The following TRPS1 variants were observed in gnomAD, a reference collection of about 807,000 sequenced individuals.
TRPS1 encodes the protein zinc finger transcription factor Trps1.
In TRPS1, 6 loss-of-function variants were observed where a neutral mutation model predicts 101.2. That is an observed-to-expected ratio of 0.06 (90% confidence interval 0.03 to 0.12). The LOEUF (loss-of-function observed/expected upper bound fraction) is 0.12. TRPS1 is among the 10% of genes least tolerant of loss of function. The pLI, the probability that TRPS1 is intolerant of heterozygous loss-of-function variation, is 1.00. For missense variants in TRPS1, 1,363 were observed against 1,567.0 expected (o/e 0.87, Z 2.20); for synonymous variants, 578 against 589.8 (o/e 0.98, Z 0.29).
chr8:115,466,531 A>G (rs1463553346), intron 5 of TRPS1, among the ~76,000 whole-genome samples: 1 of 152,204 alleles, frequency 6.6e-6, no homozygotes, highest in East Asian at 1.9e-4. Context: ...ATGAGAAACA[A>G]TTAGTATGCC....
At position 115,524,159 on chromosome 8, in the gene TRPS1, G is replaced by T. The variant is rs189701305; in HGVS notation, c.2700+62842C>A. Among the ~76,000 whole-genome samples the T allele has an allele frequency of 4.1e-4, 63 of 152,110 alleles. 1 individual carries two copies. The highest frequency in any genetic ancestry group is 3.4e-3 in the Middle Eastern group (1 of 294). On this transcript the variant is annotated intron_variant, in intron 5 of 6. Coordinates refer to ENST00000395715, the MANE Select transcript of TRPS1 (RefSeq NM_014112.5). Reference sequence around the variant, plus strand: ...ATGTGTTTTACTTCCCCATCTAGATGCTAAATATGTACATTAAGGGACAGA... The same window carrying T: ...ATGTGTTTTACTTCCCCATCTAGATTCTAAATATGTACATTAAGGGACAGA...
chr8:115,501,464 T>G (rs1586339202), intron 5 of TRPS1, among the ~76,000 whole-genome samples: 1 of 152,348 alleles, frequency 6.6e-6, no homozygotes, highest in Non-Finnish European at 1.5e-5. Flanking sequence ...GTATGTCCAC[T>G]TTTCAACTAA....
Position 115,464,938 on chromosome 8 carries a change from T to C in TRPS1, c.2701-46486A>G, listed in dbSNP as rs1047431183. Among the ~76,000 whole-genome samples, 3 of 152,248 alleles carry C rather than the reference T, an allele frequency of 2.0e-5. No homozygotes were observed. In the South Asian group the frequency reaches 6.2e-4, roughly 32 times the overall value. On this transcript the variant is annotated intron_variant, in intron 5 of 6. Coordinates refer to ENST00000395715, the MANE Select transcript of TRPS1 (RefSeq NM_014112.5). The stretch of plus-strand genomic sequence containing the variant: ...AACATTTAACATATAGATTTAAGTA[T>C]ACATATCAAGTACAACGCAATCAAG...
At chr8:115,436,443 G>T (rs1017190454) in intron 5 of TRPS1, among the ~76,000 whole-genome samples, 1 of 152,152 alleles carries the variant, frequency 6.6e-6, no homozygotes, top group African/African-American at 2.4e-5. Context: ...ATAGGGTCTT[G>T]TTGGGCAAAC....
At chr8:115,576,857 A>C (rs1817330388) in intron 5 of TRPS1, among the ~76,000 whole-genome samples, 1 of 152,204 alleles carries the variant, frequency 6.6e-6, no homozygotes, top group Non-Finnish European at 1.5e-5. Context: ...GTCACACAGC[A>C]TAAAGTTATG....
intron 4 of TRPS1, among the ~76,000 whole-genome samples, chr8:115,591,934 C>T (rs1021513635): frequency 7.9e-5 from 12 of 152,060 alleles, no homozygotes; most frequent in African/African-American, 2.9e-4. Flanking sequence ...GTGCCTTGCC[C>T]ATTTTATCTA....
At chr8:115,521,508 T>G (rs1200429042) in intron 5 of TRPS1, among the ~76,000 whole-genome samples, 2 of 151,882 alleles carry the variant, frequency 1.3e-5, no homozygotes, top group Non-Finnish European at 2.9e-5. Context: ...TTATTTAATT[T>G]AGAAAGGACT....
intron 5 of TRPS1, among the ~76,000 whole-genome samples, chr8:115,435,952 AT>A (rs984812946): frequency 6.7e-6 from 1 of 149,576 alleles, no homozygotes; most frequent in Non-Finnish European, 1.5e-5. Flanking sequence ...CGATACTAGG[AT>A]TTTTTTTGAT....
At chr8:115,463,391 A>G (rs916796546) in intron 5 of TRPS1, among the ~76,000 whole-genome samples, 1 of 152,252 alleles carries the variant, frequency 6.6e-6, no homozygotes, top group Admixed American at 6.5e-5. Flanking sequence ...CCTCAGAGAA[A>G]GAATGAAATA....
At chr8:115,615,934 T>G (rs1345884587) in intron 3 of TRPS1, among the ~76,000 whole-genome samples, 1 of 152,222 alleles carries the variant, frequency 6.6e-6, no homozygotes, top group Non-Finnish European at 1.5e-5. Flanking sequence ...AATTTAAGCA[T>G]GACAACTGAT....
chr8:115,551,896 A>G (rs1320518556), intron 5 of TRPS1, among the ~76,000 whole-genome samples: 1 of 152,196 alleles, frequency 6.6e-6, no homozygotes, highest in Non-Finnish European at 1.5e-5. Flanking sequence ...AAAGCAGGCC[A>G]GTCCGTCTGC....
At chr8:115,629,361 G>A (rs1463516902) in intron 1 of TRPS1, among the ~76,000 whole-genome samples, 1 of 151,726 alleles carries the variant, frequency 6.6e-6, no homozygotes, top group East Asian at 1.9e-4. Flanking sequence ...TGTAGTGGCA[G>A]AGCATTACAG....
At chr8:115,483,825 A>C (rs1324623427) in intron 5 of TRPS1, among the ~76,000 whole-genome samples, 1 of 152,182 alleles carries the variant, frequency 6.6e-6, no homozygotes, top group African/African-American at 2.4e-5. Flanking sequence ...ACAGCAAAGA[A>C]ATTACACCAC....
chr8:115,627,066 C>T (rs1818524593), intron 1 of TRPS1, among the ~76,000 whole-genome samples: 1 of 151,560 alleles, frequency 6.6e-6, no homozygotes, highest in Non-Finnish European at 1.5e-5. Context: ...GCTATAGTCA[C>T]AATGACACTG....
In TRPS1 at chr8:115,533,436, G is replaced by GTTTTTTTTTTTTTTTTTTT. The variant is rs1161916592; in HGVS notation, c.2700+53546_2700+53564dup. ...GGGGCCCGCTTCCCACATGTAATCTGTTTTTTTTTTTTTTTTTTTTTTTCC... is the reference window on the plus strand; with the variant it reads ...GGGGCCCGCTTCCCACATGTAATCTGTTTTTTTTTTTTTTTTTTTTTTTTTTTTTTTTTTTTTTTTTTCC... On this transcript the variant is annotated intron_variant, in intron 5 of 6. Transcript: ENST00000395715. 4.6e-4 allele frequency among the ~76,000 whole-genome samples: 16 copies of GTTTTTTTTTTTTTTTTTTT among 35,000 alleles called. 5 individuals carry two copies. Among genetic ancestry groups the GTTTTTTTTTTTTTTTTTTT allele is most frequent in the South Asian group, 2.3e-3 (2 of 870 alleles). The allele number at this position is 35,000 out of a possible 152,430, so 23.0% of individuals were successfully genotyped here. A position where few individuals can be genotyped will look rare whatever the true frequency, so the allele number is the denominator to read the frequency against.
chr8:115,666,686 C>T (rs1167142997), intron 1 of TRPS1, among the ~76,000 whole-genome samples: 2 of 152,132 alleles, frequency 1.3e-5, no homozygotes, highest in Admixed American at 1.3e-4. Flanking sequence ...CCAGCAAGAT[C>T]CATAGGTTTT....
intron 5 of TRPS1, among the ~76,000 whole-genome samples, chr8:115,461,286 TAGATAGATAGATAG>T (rs1563747774): frequency 0.18 from 8,035 of 44,876 alleles, 245 homozygotes; most frequent in East Asian, 0.35. Context: ...GATAGATAGA[TAGATAGATAGATAG>T]ACAGATACAT....
chr8:115,586,480 GACA>G (rs1034814435), intron 5 of TRPS1, among the ~76,000 whole-genome samples: 7 of 152,016 alleles, frequency 4.6e-5, no homozygotes, highest in African/African-American at 1.4e-4. Context: ...TTGGCAACTC[GACA>G]ACAACAAGCA....
intron 4 of TRPS1, among the ~76,000 whole-genome samples, chr8:115,603,220 G>A (rs1268607219): frequency 1.3e-5 from 2 of 152,186 alleles, no homozygotes; most frequent in Non-Finnish European, 2.9e-5. Flanking sequence ...AGAATAGAGT[G>A]AAAGCAGAAG....
Sources: allele counts gnomAD v4.1 joint callset (sites outside exome capture counted in the v4.1 genomes callset), GRCh38; gene constraint gnomAD v4.1.1; transcripts MANE v1.5; gene names NCBI Gene and HGNC (gene_info 2026-07-23, HGNC 2026-07-21).